Variants in EXOC6B observed in about 807,000 individuals in gnomAD.
EXOC6B encodes the protein exocyst complex component 6B.
A neutral mutation model predicts 113.5 loss-of-function variants in EXOC6B; 54 were observed. That is an observed-to-expected ratio of 0.48 (90% CI 0.38 to 0.60). The LOEUF (loss-of-function observed/expected upper bound fraction) is 0.60. Among genes scored for constraint, EXOC6B ranks in the 20% least tolerant of loss-of-function variants. The pLI, the probability that EXOC6B is intolerant of heterozygous loss-of-function variation, is 0.00. For synonymous variants in EXOC6B, 357 were observed against 339.0 expected (o/e 1.05, Z -0.58); for missense variants, 797 against 977.5 (o/e 0.82, Z 2.46).
At chr2:72,393,328 T>C (rs1692505896) in intron 18 of EXOC6B, among the ~76,000 whole-genome samples, 1 of 152,046 alleles carries the variant, frequency 6.6e-6, no homozygotes, top group Admixed American at 6.6e-5. Flanking sequence ...ACTCCTGACC[T>C]CGTGATCCAC....
At chr2:72,377,323 T>C (rs1433076191) in intron 19 of EXOC6B, among the ~76,000 whole-genome samples, 1 of 152,132 alleles carries the variant, frequency 6.6e-6, no homozygotes, top group African/African-American at 2.4e-5. Flanking sequence ...CGTATACAAC[T>C]ACCATATGAT....
Position 72,319,493 on chromosome 2 carries a change from T to G in EXOC6B, c.2196+15454A>C, listed in dbSNP as rs150597067. Among the ~76,000 whole-genome samples the G allele has an allele frequency of 1.1e-3, 168 of 152,146 alleles. 1 individual carries two copies. Among genetic ancestry groups the G allele is most frequent in the African/African-American group, 4.0e-3 (165 of 41,514 alleles). On this transcript the variant is annotated intron_variant, in intron 20 of 21. Coordinates refer to ENST00000272427, the MANE Select transcript of EXOC6B (RefSeq NM_015189.3). ...ATGCTGTAATTGTCCACCTATAAAC[T>G]CCCCAAAAATGTATAAAAAACCACT... is the stretch of plus-strand genomic sequence containing the variant.
intron 6 of EXOC6B, among the ~76,000 whole-genome samples, chr2:72,595,363 T>C (rs1253033841): frequency 1.4e-5 from 2 of 148,012 alleles, no homozygotes; most frequent in African/African-American, 4.9e-5. Flanking sequence ...TATGTAAAGA[T>C]AGGCTAATAA....
At chr2:72,390,708 C>T (rs1011197680) in intron 18 of EXOC6B, among the ~76,000 whole-genome samples, 20 of 152,274 alleles carry the variant, frequency 1.3e-4, no homozygotes, top group Non-Finnish European at 2.5e-4. Context: ...CATGACTAGC[C>T]TCTCATTGCT....
chr2:72,205,408 C>T (rs1432051670), intron 20 of EXOC6B, among the ~76,000 whole-genome samples: 1 of 151,698 alleles, frequency 6.6e-6, no homozygotes, highest in African/African-American at 2.4e-5. Context: ...TTTGTTAAAC[C>T]CTCTAGGATT....
chr2:72,184,536 T>C (rs908210623), intron 20 of EXOC6B, among the ~76,000 whole-genome samples: 2 of 152,186 alleles, frequency 1.3e-5, no homozygotes, highest in African/African-American at 2.4e-5. Context: ...TAAATACTTA[T>C]CAAATGCCTT....
intron 6 of EXOC6B, among the ~76,000 whole-genome samples, chr2:72,661,587 A>T (rs1263210382): frequency 1.3e-5 from 2 of 152,148 alleles, no homozygotes; most frequent in African/African-American, 4.8e-5. Context: ...GATAATAAAA[A>T]CTACGAAATG....
intron 6 of EXOC6B, among the ~76,000 whole-genome samples, chr2:72,623,541 A>T (rs765184095): frequency 3.3e-5 from 5 of 152,154 alleles, no homozygotes; most frequent in African/African-American, 4.8e-5. Context: ...ACCAATTCTA[A>T]CTTCCTTAGA....
intron 17 of EXOC6B, among the ~76,000 whole-genome samples, chr2:72,475,422 G>A (rs188494590): frequency 4.9e-4 from 74 of 152,294 alleles, no homozygotes; most frequent in Middle Eastern, 3.4e-3. Flanking sequence ...CACACAGGTG[G>A]TGTATGCAGG....
chr2:72,360,345 C>T (rs1330159646), intron 19 of EXOC6B, among the ~76,000 whole-genome samples: 2 of 152,186 alleles, frequency 1.3e-5, no homozygotes, highest in Non-Finnish European at 2.9e-5. Flanking sequence ...ACCTCAGCCT[C>T]CCAAAGTGCT....
chr2:72,631,499 GAGAGAGAGAGAGAGAGAGAGAGA>G (rs1672463550), intron 6 of EXOC6B, among the ~76,000 whole-genome samples: 1 of 102,436 alleles, frequency 9.8e-6, no homozygotes, highest in Non-Finnish European at 2.0e-5. Context: ...GAGAGAGAGA[GAGAGAGAGAGAGAGAGAGAGAGA>G]AAGACAAGGT....
At position 72,401,618 on chromosome 2, in the gene EXOC6B, T is replaced by C. The variant is rs1447950064; in HGVS notation, c.1981-21748A>G. ...ATATATATATGTGTATATATATATA[T>C]ATACATATATATATATATACATATA... On this transcript the variant is annotated intron_variant, in intron 18 of 21. Coordinates refer to ENST00000272427, the MANE Select transcript of EXOC6B (RefSeq NM_015189.3). Among the ~76,000 whole-genome samples, 10 of 42,412 alleles carry C rather than the reference T, an allele frequency of 2.4e-4. 1 individual carries two copies. The African/African-American group carries it at 2.4e-3, about 10-fold the overall frequency. 27.8% of individuals were successfully genotyped at this position (42,412 alleles called of 152,430 possible). A position where few individuals can be genotyped will look rare whatever the true frequency, so the allele number is the denominator to read the frequency against.
At chr2:72,813,334 C>G (rs1190882411) in intron 1 of EXOC6B, among the ~76,000 whole-genome samples, 1 of 152,174 alleles carries the variant, frequency 6.6e-6, no homozygotes, top group Non-Finnish European at 1.5e-5. Flanking sequence ...AGTGATCCTC[C>G]TGCTCAGCCT....
At chr2:72,786,777 G>A (rs1684399119) in intron 1 of EXOC6B, among the ~76,000 whole-genome samples, 1 of 152,164 alleles carries the variant, frequency 6.6e-6, no homozygotes, top group South Asian at 2.1e-4. Context: ...TACACTCAGT[G>A]CTAAGCACAG....
chr2:72,745,649 G>A (rs2104831719), intron 1 of EXOC6B, among the ~76,000 whole-genome samples: 1 of 152,102 alleles, frequency 6.6e-6, no homozygotes, highest in Non-Finnish European at 1.5e-5. Context: ...GTTTCCATCT[G>A]GTTACCAAAT....
chr2:72,224,968 A>C (rs1681124658), intron 20 of EXOC6B, among the ~76,000 whole-genome samples: 1 of 144,422 alleles, frequency 6.9e-6, no homozygotes, highest in African/African-American at 2.5e-5. Flanking sequence ...ATGTGTATAT[A>C]CATCTCTCTC....
At chr2:72,715,622 G>A (rs935232485) in intron 6 of EXOC6B, among the ~76,000 whole-genome samples, 16 of 151,994 alleles carry the variant, frequency 1.1e-4, no homozygotes, top group African/African-American at 3.4e-4. Context: ...GGAACTTCAC[G>A]GGGCCTGCCT....
chr2:72,533,578 A>G lies in EXOC6B; in HGVS notation c.916-18452T>C, dbSNP rs373402772. ...CACTACCCAGTCATTTTTCTAAGCC[A>G]AAACCAATGTGGTTTATATGACTGT... On this transcript the variant is annotated intron_variant, in intron 8 of 21. Coordinates refer to ENST00000272427, the MANE Select transcript of EXOC6B (RefSeq NM_015189.3). Among the ~76,000 whole-genome samples the G allele has an allele frequency of 1.4e-4, 21 of 152,334 alleles. No homozygotes were observed. In the East Asian group the frequency reaches 1.5e-3, roughly 11 times the overall value.
At chr2:72,295,397 A>G (rs1229137546) in intron 20 of EXOC6B, among the ~76,000 whole-genome samples, 1 of 152,204 alleles carries the variant, frequency 6.6e-6, no homozygotes, top group Non-Finnish European at 1.5e-5. Flanking sequence ...TCTCCTTTAA[A>G]AGTTTTATAA....
Sources: gnomAD v4.1 joint callset for allele counts (sites outside exome capture counted in the v4.1 genomes callset) on GRCh38, gnomAD v4.1.1 for gene constraint, MANE v1.5 for transcripts, NCBI Gene and HGNC (gene_info 2026-07-23, HGNC 2026-07-21) for gene names.